Variants in FRYL observed in about 807,000 individuals in gnomAD.
FRYL encodes FRY like transcription coactivator.
A neutral mutation model predicts 351.2 loss-of-function variants in FRYL; 150 were observed. The observed-to-expected ratio is 0.43, with a 90% CI of 0.37 to 0.49. FRYL has a LOEUF of 0.49. Among genes scored for constraint, FRYL ranks in the 20% least tolerant of loss-of-function variants. The pLI, the probability that FRYL is intolerant of heterozygous loss-of-function variation, is 0.00. For missense variants in FRYL, 3,036 were observed against 3,619.3 expected (o/e 0.84, Z 4.13); for synonymous variants, 1,153 against 1,257.1 (o/e 0.92, Z 1.75).
intron 62 of FRYL, among the ~76,000 whole-genome samples, chr4:48,501,285 G>A (rs1300978851): frequency 6.6e-6 from 1 of 151,892 alleles, no homozygotes; most frequent in African/African-American, 2.4e-5. Context: ...CTAACTCCTG[G>A]GCTCAAGTCA....
intron 8 of FRYL, among the ~76,000 whole-genome samples, chr4:48,609,395 G>A (rs1469090515): frequency 1.3e-5 from 2 of 152,094 alleles, no homozygotes; most frequent in Admixed American, 6.6e-5. Context: ...CAAGGCAGGT[G>A]GATTGCTTGG....
At chr4:48,671,666 T>TCAAAA (rs552656280) in intron 3 of FRYL, among the ~76,000 whole-genome samples, 1 of 141,846 alleles carries the variant, frequency 7.0e-6, no homozygotes, top group Non-Finnish European at 1.6e-5. Flanking sequence ...AAACTCCATC[T>TCAAAA]CAAAACAAAA....
chr4:48,611,604 T>C (rs537347262), intron 7 of FRYL, among the ~76,000 whole-genome samples: 2 of 152,234 alleles, frequency 1.3e-5, no homozygotes, highest in Non-Finnish European at 2.9e-5. Context: ...TCTTCAGAGA[T>C]AGCTTGGCTA....
Position 48,620,663 on chromosome 4 carries a change from G to A in FRYL, c.290C>T (p.Pro97Leu), listed in dbSNP as rs375591679. Residue 97 changes from proline (P) to leucine (L), a missense_variant, in exon 6 of 64, where the codon CCT becomes CTT. Around this residue, in one of 7 missense-constraint regions of FRYL, gnomAD observed 457 missense variants for 566.6 expected, o/e 0.81. Coordinates refer to ENST00000358350, the MANE Select transcript of FRYL (RefSeq NM_015030.2). ...GTEDESYEYR[P>L]RSSTKSKGDE... ...CCCCTTAGACTTTGTGCTAGACCGAGGCCTATATTCATAAGATTCATCTTC... is the reference window on the plus strand; with the variant it reads ...CCCCTTAGACTTTGTGCTAGACCGAAGCCTATATTCATAAGATTCATCTTC... The A allele has an allele frequency of 1.4e-5, 23 of 1,613,714 alleles. No homozygotes were observed. Among genetic ancestry groups the A allele is most frequent in the Non-Finnish European group, 1.9e-5 (23 of 1,179,736 alleles).
intron 53 of FRYL, among the ~76,000 whole-genome samples, chr4:48,526,542 ATG>A (rs1726272773): frequency 6.6e-6 from 1 of 152,178 alleles, no homozygotes; most frequent in Non-Finnish European, 1.5e-5. Flanking sequence ...GCATTTCTGG[ATG>A]TGACCCTCAC....
intron 1 of FRYL, among the ~76,000 whole-genome samples, chr4:48,721,468 C>A (rs1769464017): frequency 6.6e-6 from 1 of 151,204 alleles, no homozygotes; most frequent in South Asian, 2.1e-4. Context: ...TTGAGACCAG[C>A]CTGGCAACAT....
chr4:48,770,042 A>G (rs952337297), intron 1 of FRYL, among the ~76,000 whole-genome samples: 1 of 152,214 alleles, frequency 6.6e-6, no homozygotes, highest in African/African-American at 2.4e-5. Flanking sequence ...AGGCATATAC[A>G]AGAATTTTAT....
At position 48,700,261 on chromosome 4, in the gene FRYL, T is replaced by C. The variant is rs1277530071; in HGVS notation, c.-204+10258A>G. Among the ~76,000 whole-genome samples, 3 of 152,200 alleles carry C rather than the reference T, an allele frequency of 2.0e-5. No individual in the cohort carries two copies. In the East Asian group the frequency reaches 5.8e-4, roughly 29 times the overall value. On this transcript the variant is annotated intron_variant, in intron 2 of 63. Transcript: ENST00000358350. ...TTCTGAATTAATGCCATGATTATAT[T>C]TGAAGCTGTAATACTCACGTAGAAC...
intron 3 of FRYL, among the ~76,000 whole-genome samples, chr4:48,670,105 A>C (rs544064295): frequency 3.5e-4 from 54 of 152,306 alleles, no homozygotes; most frequent in African/African-American, 1.3e-3. Flanking sequence ...CAATCCAATT[A>C]TACCTTTTTA....
At chr4:48,695,633 G>T (rs1400610542) in intron 2 of FRYL, among the ~76,000 whole-genome samples, 1 of 152,120 alleles carries the variant, frequency 6.6e-6, no homozygotes, top group Non-Finnish European at 1.5e-5. Context: ...AAGACTTCAT[G>T]ATTAAAATGC....
intron 1 of FRYL, among the ~76,000 whole-genome samples, chr4:48,746,821 AG>A (rs1276972334): frequency 6.6e-6 from 1 of 152,174 alleles, no homozygotes; most frequent in Non-Finnish European, 1.5e-5. Flanking sequence ...CACTTAGAAA[AG>A]TCCCAGCTGT....
chr4:48,512,371 T>C, intron 57 of FRYL, 110 bp downstream of exon 57: 1 of 843,658 alleles, frequency 1.2e-6, no homozygotes, highest in Non-Finnish European at 1.8e-6. Context: ...AAAAAAAAAT[T>C]TGTTAAAACT....
chr4:48,661,410 C>T (rs144455449), intron 3 of FRYL, among the ~76,000 whole-genome samples: 79 of 152,290 alleles, frequency 5.2e-4, no homozygotes, highest in African/African-American at 1.8e-3. Flanking sequence ...CCTAAGGGCA[C>T]TTTCAGGACT....
chr4:48,556,825 G>T (rs1734218684), intron 35 of FRYL, among the ~76,000 whole-genome samples, 153 bp downstream of exon 35: 1 of 152,000 alleles, frequency 6.6e-6, no homozygotes, highest in Non-Finnish European at 1.5e-5. Context: ...AACTGAATCA[G>T]TGAATAAATC....
At chr4:48,650,072 T>G (rs1757302094) in intron 3 of FRYL, among the ~76,000 whole-genome samples, 1 of 152,160 alleles carries the variant, frequency 6.6e-6, no homozygotes, top group Non-Finnish European at 1.5e-5. Context: ...TAAAGGCTAT[T>G]AATAAATCAA....
chr4:48,524,601 A>G (rs1336412007), intron 53 of FRYL, among the ~76,000 whole-genome samples: 1 of 152,168 alleles, frequency 6.6e-6, no homozygotes, highest in African/African-American at 2.4e-5. Context: ...GGTTTTAGAA[A>G]ATGTGTATCG....
At position 48,515,123 on chromosome 4, in the gene FRYL, G is replaced by GT; in HGVS notation, c.7841dup (p.Tyr2614Ter). The GT allele has an allele frequency of 6.2e-7, 1 of 1,613,900 alleles. No individual in the cohort carries two copies. Among genetic ancestry groups the GT allele is most frequent in the Non-Finnish European group, 8.5e-7 (1 of 1,179,880 alleles). ...EMPEPLAPES[Y>*]PESVCEEDVT... Reference sequence around the variant, plus strand: ...CATCCTCTTCACAGACTGACTCGGGGTAACTTTCAGGAGCTAGAGGCTCTG... The same window carrying GT: ...CATCCTCTTCACAGACTGACTCGGGGTTAACTTTCAGGAGCTAGAGGCTCTG... Residue 2614 changes from tyrosine (Y) to a stop codon, truncating the protein, a stop_gained and frameshift_variant, in exon 56 of 64, where the codon TAC becomes TAAC. Transcript: ENST00000358350. LOFTEE classifies it high-confidence loss of function.
At chr4:48,568,871 T>G (rs1737510353) in intron 27 of FRYL, among the ~76,000 whole-genome samples, 1 of 152,216 alleles carries the variant, frequency 6.6e-6, no homozygotes, top group East Asian at 1.9e-4. Flanking sequence ...ATCTAACAAA[T>G]ATTCATTACC....
intron 11 of FRYL, 52 bp downstream of exon 11, chr4:48,605,689 A>C: frequency 8.7e-7 from 1 of 1,151,864 alleles, no homozygotes; most frequent in South Asian, 1.3e-5. Flanking sequence ...TATAAGGTTG[A>C]TAAGGTTCTT....
Sources: gnomAD v4.1 joint callset for allele counts (sites outside exome capture counted in the v4.1 genomes callset) on GRCh38, gnomAD v4.1.1 for gene constraint, gnomAD v4.1.1 regional missense constraint, MANE v1.5 for transcripts, NCBI Gene and HGNC (gene_info 2026-07-23, HGNC 2026-07-21) for gene names.